OCA2: variants seen among roughly 807,000 people sequenced by gnomAD.
OCA2 encodes OCA2 melanosomal transmembrane protein, also known as P protein.
In OCA2, 77 loss-of-function variants were observed where a neutral mutation model predicts 100.2. That is an observed-to-expected ratio of 0.77 (90% CI 0.64 to 0.93). The LOEUF is 0.93. Ranked by LOEUF, OCA2 falls within the 40% of genes least tolerant of loss-of-function variation. The pLI is 0.00. For missense variants in OCA2, 1,062 were observed against 1,089.1 expected, an observed-to-expected ratio of 0.98 and a Z score of 0.35; for synonymous variants, 432 against 439.2, an observed-to-expected ratio of 0.98 and a Z score of 0.21.
downstream of OCA2, among the ~76,000 whole-genome samples, chr15:27,753,827 CAGTGGGTGGG>C (rs1193127126): frequency 6.6e-6 from 1 of 151,978 alleles, no homozygotes; most frequent in Non-Finnish European, 1.5e-5. Flanking sequence ...CGAGGAGAGG[CAGTGGGTGGG>C]AGATGGGGCC....
intron 18 of OCA2, chr15:27,950,388 C>T (rs11632387): frequency 0.55 from 183,963 of 334,158 alleles, 58,923 homozygotes; most frequent in Non-Finnish European, 0.72. Flanking sequence ...AGGCCTGAGG[C>T]GTAATTAAAA....
At position 27,902,953 on chromosome 15, in the gene OCA2, C is replaced by CA. The variant is rs2038015289; in HGVS notation, c.2079+23173dup. On this transcript the variant is annotated intron_variant, in intron 19 of 23. Transcript: ENST00000354638. Reference sequence around the variant, plus strand: ...CTGGCTGGGCGGCCTGCAGAGCTCACATCCTCCACCCCGACCTCGATCCCC... The same window carrying CA: ...CTGGCTGGGCGGCCTGCAGAGCTCACAATCCTCCACCCCGACCTCGATCCCC... Among the ~76,000 whole-genome samples the CA allele has an allele frequency of 3.3e-5, 5 of 152,226 alleles. No individual in the cohort carries two copies. In the South Asian group the frequency reaches 1.0e-3, roughly 31 times the overall value.
intron 19 of OCA2, among the ~76,000 whole-genome samples, chr15:27,910,676 G>A (rs890006263): frequency 2.0e-5 from 3 of 151,348 alleles, no homozygotes; most frequent in Admixed American, 6.6e-5. Context: ...AAAAACATAC[G>A]GCTGGGTGTG....
chr15:28,016,257 C>A, intron 7 of OCA2, 71 bp from the exon 8 acceptor site: 7 of 1,151,062 alleles, frequency 6.1e-6, no homozygotes, highest in Non-Finnish European at 9.2e-6. Context: ...TGGCACTGCT[C>A]GGTCTAGGTA....
intron 18 of OCA2, among the ~76,000 whole-genome samples, chr15:27,929,687 TTAAAG>T (rs2039172889): frequency 1.3e-5 from 2 of 151,936 alleles, no homozygotes; most frequent in Non-Finnish European, 1.5e-5. Flanking sequence ...CACTGTTAAG[TTAAAG>T]TAGAGAAATG....
At chr15:28,077,190 G>GGCATGTGCCAC in intron 2 of OCA2, among the ~76,000 whole-genome samples, 1 of 151,986 alleles carries the variant, frequency 6.6e-6, no homozygotes, top group East Asian at 1.9e-4. Context: ...CTCCAGAGTA[G>GGCATGTGCCAC]CTGGGATTAT....
chr15:27,828,018 G>C (rs1161688387), intron 23 of OCA2, among the ~76,000 whole-genome samples: 1 of 152,124 alleles, frequency 6.6e-6, no homozygotes, highest in Non-Finnish European at 1.5e-5. Context: ...ATCTTGTGAC[G>C]ATTTTTTCTT....
intron 22 of OCA2, among the ~76,000 whole-genome samples, chr15:27,850,912 T>A (rs1439606318): frequency 6.6e-6 from 1 of 152,136 alleles, no homozygotes. Flanking sequence ...ACACTCTCTC[T>A]AATCCACTCC....
chr15:28,018,284 A>C, intron 7 of OCA2, 113 bp downstream of exon 7: 1 of 965,004 alleles, frequency 1.0e-6, no homozygotes, highest in Non-Finnish European at 1.6e-6. Flanking sequence ...GAATTGACTA[A>C]GAATGGTGTC....
chr15:27,982,409 T>C (rs148773807), intron 14 of OCA2, among the ~76,000 whole-genome samples: 601 of 152,284 alleles, frequency 3.9e-3, no homozygotes, highest in Middle Eastern at 0.027. Context: ...TAGCATAAAC[T>C]GCAGGGTCTG....
chr15:27,823,245 TTAGAG>T (rs1211360832), intron 23 of OCA2, among the ~76,000 whole-genome samples: 1 of 152,242 alleles, frequency 6.6e-6, no homozygotes, highest in Non-Finnish European at 1.5e-5. Flanking sequence ...GTGCTAATTA[TTAGAG>T]TTTTATTAGA....
At chr15:27,868,430 C>T (rs781646924) in intron 21 of OCA2, among the ~76,000 whole-genome samples, 15 of 152,220 alleles carry the variant, frequency 9.9e-5, no homozygotes, top group Middle Eastern at 3.4e-3. Flanking sequence ...CATGGATGAA[C>T]GCAGACGGCA....
chr15:27,980,391 T>A (rs2041120465), intron 14 of OCA2, among the ~76,000 whole-genome samples: 1 of 152,174 alleles, frequency 6.6e-6, no homozygotes, highest in South Asian at 2.1e-4. Flanking sequence ...CCTCCCAAAG[T>A]GCTGGGATTA....
chr15:27,875,260 C>T (rs1004930622), intron 19 of OCA2, among the ~76,000 whole-genome samples: 2 of 152,108 alleles, frequency 1.3e-5, no homozygotes, highest in African/African-American at 4.8e-5. Flanking sequence ...GTTTTCTTTC[C>T]TAAATAAATT....
chr15:27,763,756 T>C (rs1461321522), intron 23 of OCA2, among the ~76,000 whole-genome samples: 9 of 151,994 alleles, frequency 5.9e-5, no homozygotes, highest in Admixed American at 5.9e-4. Flanking sequence ...AGGGAGAAGG[T>C]GAGGTTGCCC....
At chr15:27,914,002 G>A (rs933677768) in intron 19 of OCA2, among the ~76,000 whole-genome samples, 5 of 151,938 alleles carry the variant, frequency 3.3e-5, no homozygotes, top group African/African-American at 1.2e-4. Context: ...TAAAATACTA[G>A]CAAATTGAAT....
At chr15:27,935,505 T>A (rs1029128845) in intron 18 of OCA2, among the ~76,000 whole-genome samples, 1 of 152,172 alleles carries the variant, frequency 6.6e-6, no homozygotes, top group African/African-American at 2.4e-5. Context: ...AGCAGCCTCC[T>A]CCGCACAGGC....
intron 1 of OCA2, among the ~76,000 whole-genome samples, chr15:28,093,079 C>G (rs184793100): frequency 6.6e-6 from 1 of 152,134 alleles, no homozygotes. Flanking sequence ...CATTCAAGAT[C>G]GTGAGCCATT....
chr15:27,859,351 T>C (rs748350982), intron 21 of OCA2, among the ~76,000 whole-genome samples: 2 of 152,104 alleles, frequency 1.3e-5, no homozygotes, highest in African/African-American at 2.4e-5. Context: ...TTATTACCAA[T>C]CTTACAGAAA....
Sources: allele counts gnomAD v4.1 joint callset (sites outside exome capture counted in the v4.1 genomes callset), GRCh38; gene constraint gnomAD v4.1.1; transcripts MANE v1.5; gene names NCBI Gene and HGNC (gene_info 2026-07-23, HGNC 2026-07-21).